HECTD4: variants seen among roughly 807,000 people sequenced by gnomAD.
The protein encoded by HECTD4 is probable E3 ubiquitin-protein ligase HECTD4.
A neutral mutation model predicts 471.5 loss-of-function variants in HECTD4; 114 were observed. The ratio of observed to expected loss-of-function variants is 0.24; its 90% CI spans 0.21 to 0.28. HECTD4 has a LOEUF of 0.28. HECTD4 is among the 10% of genes least tolerant of loss of function. The pLI, the probability that HECTD4 is intolerant of heterozygous loss-of-function variation, is 1.00. For synonymous variants in HECTD4, 2,012 were observed against 2,256.0 expected (o/e 0.89, Z 3.07); for missense variants, 3,866 against 5,651.5 (o/e 0.68, Z 10.13).
chr12:112,194,958 G>A lies in HECTD4; in HGVS notation c.8676C>T (p.Ile2892=). ...CCAGGGTAATGTCCCGGATGGCAGGGATGTGGAAGAGGCGAGTGAACAAGT... is the reference window on the plus strand; with the variant it reads ...CCAGGGTAATGTCCCGGATGGCAGGAATGTGGAAGAGGCGAGTGAACAAGT... ...LPHLFTRLFH[I]PAIRDITLEH... is the part of the protein sequence containing the mutation. The change falls in exon 56 of 76, where the codon ATC becomes ATT. Residue 2892 remains isoleucine, a synonymous_variant. Transcript: ENST00000682272. The surrounding 1 kb of genome is among the most constrained non-coding windows in gnomAD (Gnocchi z 4.6). The A allele has an allele frequency of 6.2e-7, 1 of 1,611,160 alleles. No individual in the cohort carries two copies. The highest frequency in any genetic ancestry group is 1.7e-5 in the Admixed American group (1 of 59,578).
chr12:112,286,877 C>T (rs2034765879), intron 7 of HECTD4, among the ~76,000 whole-genome samples: 1 of 152,186 alleles, frequency 6.6e-6, no homozygotes, highest in African/African-American at 2.4e-5. Context: ...TTTAGCTACA[C>T]TCGCCTTCTG....
intron 2 of HECTD4, among the ~76,000 whole-genome samples, chr12:112,317,956 CAAAAAAAAAAAAAAAA>C (rs59773169): frequency 4.5e-5 from 1 of 22,230 alleles, no homozygotes; most frequent in Non-Finnish European, 8.8e-5. Flanking sequence ...GACCCCATCT[CAAAAAAAAAAAAAAAA>C]AAAAAAAAAA....
chr12:112,276,779 G>C (rs988277660), intron 9 of HECTD4, among the ~76,000 whole-genome samples: 5 of 152,050 alleles, frequency 3.3e-5, no homozygotes, highest in Admixed American at 2.6e-4. Context: ...AAAGACTTTG[G>C]AGGAATAGAT....
At chr12:112,231,226 T>C (rs2033369662) in intron 39 of HECTD4, 1 of 481,708 alleles carries the variant, frequency 2.1e-6, no homozygotes, top group Admixed American at 3.3e-5. Context: ...GAAATAAAGG[T>C]AGCAAGACCA....
chr12:112,359,264 G>A (rs932063068), intron 1 of HECTD4, among the ~76,000 whole-genome samples: 1 of 150,338 alleles, frequency 6.7e-6, no homozygotes, highest in African/African-American at 2.4e-5. Context: ...AGTTAGAAAT[G>A]GAGAATCTTC....
chr12:112,345,698 A>G (rs2036135485), intron 1 of HECTD4, among the ~76,000 whole-genome samples: 1 of 152,184 alleles, frequency 6.6e-6, no homozygotes, highest in South Asian at 2.1e-4. Flanking sequence ...GATCAAGACC[A>G]TCCTGGCTAA....
intron 1 of HECTD4, among the ~76,000 whole-genome samples, chr12:112,346,081 G>A (rs1316242747): frequency 6.6e-6 from 1 of 152,200 alleles, no homozygotes; most frequent in African/African-American, 2.4e-5. Context: ...CACAGCATGA[G>A]GTAGCTAAGG....
intron 7 of HECTD4, among the ~76,000 whole-genome samples, chr12:112,294,273 T>C (rs2034957607): frequency 6.6e-6 from 1 of 152,198 alleles, no homozygotes; most frequent in Admixed American, 6.5e-5. Context: ...TAATTATTAT[T>C]GGCCACATCT....
intron 7 of HECTD4, chr12:112,302,140 C>A: frequency 1.9e-6 from 2 of 1,062,690 alleles, no homozygotes; most frequent in South Asian, 2.6e-5. Context: ...AAGGGACTCC[C>A]ATTTTACAAC....
Position 112,250,198 on chromosome 12 carries a change from A to T in HECTD4, c.3896T>A (p.Ile1299Lys). The change falls in exon 25 of 76, where the codon ATA becomes AAA. Residue 1299 changes from isoleucine (I) to lysine (K), a missense_variant. Around this residue, in one of 16 missense-constraint regions of HECTD4, gnomAD observed 281 missense variants for 499.9 expected, o/e 0.56. Coordinates refer to ENST00000682272, the MANE Select transcript of HECTD4 (RefSeq NM_001388303.1). Reference protein sequence around the residue: ...PRIRLPPGIMIKLREISGRAR... With the variant: ...PRIRLPPGIMKKLREISGRAR... ...ACGCCCAGAAATTTCCCTGAGCTTT[A>T]TCATGATTCCTGGAGGCAGTCTGAT... 6.2e-7 allele frequency: 1 copy of T among 1,613,982 alleles called. No homozygotes were observed. Among genetic ancestry groups the T allele is most frequent in the Non-Finnish European group, 8.5e-7 (1 of 1,179,868 alleles).
intron 1 of HECTD4, among the ~76,000 whole-genome samples, chr12:112,324,099 T>TTTCTTTCTTTCTTTCTTTCC (rs1566112267): frequency 9.8e-6 from 1 of 101,842 alleles, no homozygotes; most frequent in Non-Finnish European, 1.7e-5. Flanking sequence ...TCTTTCTTTC[T>TTTCTTTCTTTCTTTCTTTCC]TTCCTCTCTC....
rs891282892 is a variant in HECTD4 at position 112,244,502 on chromosome 12, G to T, written c.4514-493C>A. 6.6e-5 allele frequency among the ~76,000 whole-genome samples: 10 copies of T among 152,254 alleles called. No individual in the cohort carries two copies. The South Asian group carries it at 1.5e-3, about 22-fold the overall frequency. On this transcript the variant is annotated intron_variant, in intron 29 of 75. Coordinates refer to ENST00000682272, the MANE Select transcript of HECTD4 (RefSeq NM_001388303.1). ...TCCTACCTCAGCCTCCCAAGTAGCT[G>T]CGATTACAGGCGTGCACCACCACGC...
chr12:112,301,400 T>G (rs1366840599), intron 7 of HECTD4, among the ~76,000 whole-genome samples: 3 of 152,090 alleles, frequency 2.0e-5, no homozygotes. Flanking sequence ...GCCAGGCTGG[T>G]CTCGAACTGC....
At chr12:112,164,747 G>A (rs182300912) in intron 72 of HECTD4, among the ~76,000 whole-genome samples, 6 of 150,718 alleles carry the variant, frequency 4.0e-5, no homozygotes, top group Non-Finnish European at 8.9e-5. Context: ...TCAGCCTCCC[G>A]AGTAGCTGGG....
intron 1 of HECTD4, among the ~76,000 whole-genome samples, chr12:112,349,940 TATG>T (rs1304852334): frequency 1.3e-5 from 2 of 152,170 alleles, no homozygotes; most frequent in African/African-American, 4.8e-5. Flanking sequence ...CTATCAATAA[TATG>T]ATATTTTTCT....
At chr12:112,171,049 T>C in intron 68 of HECTD4, 68 bp downstream of exon 68, 1 of 1,396,910 alleles carries the variant, frequency 7.2e-7, no homozygotes, top group Non-Finnish European at 9.8e-7. Flanking sequence ...TGCCCGTGGA[T>C]TCTGGCCCTG....
chr12:112,254,255 C>T (rs1057335970), intron 21 of HECTD4, 93 bp from the exon 22 acceptor site: 12 of 1,451,008 alleles, frequency 8.3e-6, no homozygotes, highest in Non-Finnish European at 1.0e-5. Context: ...GTTTAAAATA[C>T]AATTATAACC....
At chr12:112,353,302 G>T (rs1350317646) in intron 1 of HECTD4, among the ~76,000 whole-genome samples, 1 of 152,158 alleles carries the variant, frequency 6.6e-6, no homozygotes, top group African/African-American at 2.4e-5. Flanking sequence ...TATCTTTCTA[G>T]GCTAATGGAT....
rs369501705 is a variant in HECTD4 at position 112,231,498 on chromosome 12, C to G, written c.6200+15G>C. On this transcript the variant is annotated intron_variant, in intron 39 of 75. Coordinates refer to ENST00000682272, the MANE Select transcript of HECTD4 (RefSeq NM_001388303.1). ...TGAGATGAGTGTGGACAGCTCCTAC[C>G]TGTGGAAGGTTTACCTTGCAAGCTC... The G allele has an allele frequency of 3.1e-5, 50 of 1,612,056 alleles. No homozygotes were observed. The African/African-American group carries it at 4.4e-4, about 14-fold the overall frequency.
Sources: allele counts gnomAD v4.1 joint callset (sites outside exome capture counted in the v4.1 genomes callset), GRCh38; gene constraint gnomAD v4.1.1; regional missense constraint gnomAD v4.1.1; non-coding constraint Gnocchi (gnomAD v3.1); transcripts MANE v1.5; gene names NCBI Gene and HGNC (gene_info 2026-07-23, HGNC 2026-07-21).